ACACB: variants seen among roughly 807,000 people sequenced by gnomAD.
ACACB encodes acetyl-CoA carboxylase 2.
A neutral mutation model predicts 278.8 loss-of-function variants in ACACB; 209 were observed. The ratio of observed to expected loss-of-function variants is 0.75; its 90% confidence interval spans 0.67 to 0.84. ACACB has a LOEUF of 0.84. ACACB is among the 40% of genes least tolerant of loss of function. The pLI is 0.00. For synonymous variants in ACACB, 1,174 were observed against 1,285.6 expected, an observed-to-expected ratio of 0.91 and a Z score of 1.86; for missense variants, 2,850 against 3,269.0, an observed-to-expected ratio of 0.87 and a Z score of 3.13.
At chr12:109,144,844 C>T (rs2043204238) in intron 2 of ACACB, among the ~76,000 whole-genome samples, 1 of 148,390 alleles carries the variant, frequency 6.7e-6, no homozygotes, top group Non-Finnish European at 1.5e-5. Context: ...TCACTGCAAC[C>T]TCTGCCTCCC....
intron 9 of ACACB, 125 bp from the exon 10 acceptor site, chr12:109,178,963 C>T: frequency 1.2e-6 from 1 of 841,456 alleles, no homozygotes. Flanking sequence ...AAAAGATCAG[C>T]AGAGTCCTGG....
At chr12:109,168,182 T>A (rs1260616101) in intron 4 of ACACB, 148 bp downstream of exon 4, 2 of 892,162 alleles carry the variant, frequency 2.2e-6, no homozygotes, top group African/African-American at 1.7e-5. Flanking sequence ...CTTCTTTATT[T>A]AATTAAAATG....
chr12:109,161,165 T>G (rs1279731549), intron 2 of ACACB, among the ~76,000 whole-genome samples: 1 of 152,192 alleles, frequency 6.6e-6, no homozygotes, highest in Non-Finnish European at 1.5e-5. Context: ...CTACTGGGTA[T>G]GTACACAAAG....
chr12:109,262,220 A>T (rs2047396698), intron 48 of ACACB, 137 bp from the exon 49 acceptor site: 2 of 641,038 alleles, frequency 3.1e-6, no homozygotes, highest in Admixed American at 5.2e-5. Flanking sequence ...GGCACACAGC[A>T]TGTGTGGGGG....
chr12:109,241,246 C>G lies in ACACB; in HGVS notation c.4987C>G (p.Leu1663Val). Residue 1663 changes from leucine (L) to valine (V), a missense_variant, in exon 36 of 53, where the codon CTC (leucine) becomes GTC (valine). Coordinates refer to ENST00000338432, the MANE Select transcript of ACACB (RefSeq NM_001093.4). ...GTCGGGCTACTACCTGGACATCAGC[C>G]TCTACAAAGAAGTGACTGACTCCAG... ...NESGYYLDIS[L>V]YKEVTDSRSG... 6.2e-7 allele frequency: 1 copy of G among 1,614,212 alleles called. No homozygotes were observed. The highest frequency in any genetic ancestry group is 8.5e-7 in the Non-Finnish European group (1 of 1,180,046).
chr12:109,242,346 A>C (rs1314965921), intron 36 of ACACB, 91 bp from the exon 37 acceptor site: 1 of 1,425,254 alleles, frequency 7.0e-7, no homozygotes, highest in African/African-American at 1.4e-5. Context: ...TGCTTCCCCC[A>C]CCTGCATTTT....
chr12:109,167,621 G>GCATATATATATATATATATATA lies in ACACB; in HGVS notation c.787-275_787-274insCATATATATATATATATATATA, dbSNP rs1408673157. On this transcript the variant is annotated intron_variant, in intron 3 of 52. Transcript: ENST00000338432. ...CTCAAAAAAAAAAATATATGTATGT[G>GCATATATATATATATATATATA]TATATATATATATATATATATATAT... Among the ~76,000 whole-genome samples the GCATATATATATATATATATATA allele has an allele frequency of 6.1e-4, 47 of 77,520 alleles. 1 individual carries two copies. Among genetic ancestry groups the GCATATATATATATATATATATA allele is most frequent in the African/African-American group, 2.2e-3 (43 of 19,738 alleles). 50.9% of individuals were successfully genotyped at this position (77,520 alleles called of 152,430 possible). A position where few individuals can be genotyped will look rare whatever the true frequency, so the allele number is the denominator to read the frequency against.
chr12:109,122,437 G>A (rs890584204), intron 1 of ACACB, among the ~76,000 whole-genome samples: 1 of 152,068 alleles, frequency 6.6e-6, no homozygotes, highest in Non-Finnish European at 1.5e-5. Context: ...CGCTGGGCGT[G>A]GTGGCACATG....
At chr12:109,140,742 A>G (rs1654874) in intron 2 of ACACB, among the ~76,000 whole-genome samples, 14,783 of 151,974 alleles carry the variant, frequency 0.097, 1,107 homozygotes, top group East Asian at 0.35. Flanking sequence ...TTTCTAGAAG[A>G]CCTCAGCCTA....
At chr12:109,194,002 C>T (rs1410529925) in intron 16 of ACACB, among the ~76,000 whole-genome samples, 1 of 152,132 alleles carries the variant, frequency 6.6e-6, no homozygotes, top group African/African-American at 2.4e-5. Context: ...TTTAAACCAA[C>T]AAAAATTTAT....
chr12:109,173,603 G>A (rs2044187820), intron 6 of ACACB, among the ~76,000 whole-genome samples: 1 of 152,208 alleles, frequency 6.6e-6, no homozygotes, highest in Admixed American at 6.5e-5. Context: ...ACAGCTCATA[G>A]GCCAAATCCA....
intron 37 of ACACB, among the ~76,000 whole-genome samples, chr12:109,244,498 C>T (rs1245163807): frequency 6.6e-6 from 1 of 152,206 alleles, no homozygotes; most frequent in Non-Finnish European, 1.5e-5. Flanking sequence ...TGTCTGTATC[C>T]TTTTGCCTTT....
chr12:109,169,338 G>T lies in ACACB; in HGVS notation c.925+1304G>T, dbSNP rs186969364. ...TTGTTACTTACAGCTCTGTTTTACA[G>T]ATGGCACAGTCGAGGCACAGGGATG... is the stretch of plus-strand genomic sequence containing the variant. On this transcript the variant is annotated intron_variant, in intron 4 of 52. Coordinates refer to ENST00000338432, the MANE Select transcript of ACACB (RefSeq NM_001093.4). Among the ~76,000 whole-genome samples the T allele has an allele frequency of 1.4e-4, 21 of 152,206 alleles. No homozygotes were observed. The East Asian group carries it at 4.1e-3, about 29-fold the overall frequency.
At chr12:109,214,380 C>G (rs570185955) in intron 22 of ACACB, among the ~76,000 whole-genome samples, 3 of 152,158 alleles carry the variant, frequency 2.0e-5, no homozygotes, top group Non-Finnish European at 4.4e-5. Context: ...GAAAACTGGC[C>G]TCCTTTTCAA....
rs1315004959 is a variant in ACACB at position 109,140,244 on chromosome 12, T to A, written c.653+186T>A. On this transcript the variant is annotated intron_variant, in intron 2 of 52. Transcript: ENST00000338432. ...CTTCCTTCCTTCCTTCCTTCCTTCC[T>A]TCCTTCCTTCCATCCTTCCTTCCTT... 6.0e-3 allele frequency among the ~76,000 whole-genome samples: 820 copies of A among 136,664 alleles called. 48 individuals carry two copies. The highest frequency in any genetic ancestry group is 0.02 in the African/African-American group (758 of 37,040). The allele number at this position is 136,664 out of a possible 152,430, so 89.7% of individuals were successfully genotyped here.
At chr12:109,210,487 ATATATACATGTATGTG>A (rs1460429734) in intron 21 of ACACB, among the ~76,000 whole-genome samples, 2 of 148,614 alleles carry the variant, frequency 1.3e-5, no homozygotes, top group South Asian at 2.1e-4. Flanking sequence ...GTATATGTGT[ATATATACATGTATGTG>A]TATATACGCA....
chr12:109,209,097 C>T, intron 20 of ACACB, 68 bp from the exon 21 acceptor site: 1 of 1,495,220 alleles, frequency 6.7e-7, no homozygotes, highest in Admixed American at 2.0e-5. Flanking sequence ...GTGTTGGGTG[C>T]CCTGTTTGGG....
At chr12:109,258,910 C>T (rs888179024) in intron 46 of ACACB, 63 bp from the exon 47 acceptor site, 37 of 1,586,826 alleles carry the variant, frequency 2.3e-5, no homozygotes, top group Non-Finnish European at 3.0e-5. Context: ...TTCTGGCAGC[C>T]GTCCCTCTGT....
chr12:109,251,035 G>A (rs2047080598), intron 41 of ACACB, among the ~76,000 whole-genome samples: 2 of 152,124 alleles, frequency 1.3e-5, no homozygotes, highest in African/African-American at 4.8e-5. Context: ...GTTTACTGAA[G>A]TTGTGTGCAT....
Sources: gnomAD v4.1 joint callset for allele counts (sites outside exome capture counted in the v4.1 genomes callset) on GRCh38, gnomAD v4.1.1 for gene constraint, MANE v1.5 for transcripts, NCBI Gene and HGNC (gene_info 2026-07-23, HGNC 2026-07-21) for gene names.